ESRRG: variants seen among roughly 807,000 people sequenced by gnomAD.
ESRRG encodes estrogen-related receptor gamma.
In ESRRG, 13 loss-of-function variants were observed where a neutral mutation model predicts 44.0. The ratio of observed to expected loss-of-function variants is 0.30; its 90% CI spans 0.19 to 0.47. ESRRG has a LOEUF of 0.47. ESRRG is among the 20% of genes least tolerant of loss of function. The probability of loss-of-function intolerance (pLI) is 1.00; values close to 1 mark genes in which losing one functional copy is unlikely to be tolerated. For synonymous variants in ESRRG, 215 were observed against 214.6 expected, an observed-to-expected ratio of 1.00 and a Z score of -0.02; for missense variants, 395 against 580.6, an observed-to-expected ratio of 0.68 and a Z score of 3.29.
intron 2 of ESRRG, among the ~76,000 whole-genome samples, chr1:216,832,532 C>G (rs1246726231): frequency 6.6e-6 from 1 of 152,194 alleles, no homozygotes; most frequent in African/African-American, 2.4e-5. Context: ...TTCAACAACT[C>G]TGAACGAAAC....
intron 2 of ESRRG, among the ~76,000 whole-genome samples, chr1:216,865,549 T>C (rs984937179): frequency 2.0e-5 from 3 of 152,156 alleles, no homozygotes; most frequent in Non-Finnish European, 4.4e-5. Flanking sequence ...TTGTTCATTT[T>C]TGTCTTTGAA....
At chr1:216,740,443 T>C (rs2090523568) in intron 2 of ESRRG, among the ~76,000 whole-genome samples, 1 of 152,026 alleles carries the variant, frequency 6.6e-6, no homozygotes, top group Non-Finnish European at 1.5e-5. Flanking sequence ...AATCAGAGAA[T>C]AATTTTACAA....
intron 2 of ESRRG, among the ~76,000 whole-genome samples, chr1:216,922,155 T>A (rs1353235893): frequency 6.6e-6 from 1 of 152,326 alleles, no homozygotes. Flanking sequence ...TACAATAATA[T>A]CTACCCTCCA....
chr1:216,581,262 T>C (rs2062700433), intron 3 of ESRRG, among the ~76,000 whole-genome samples: 1 of 152,204 alleles, frequency 6.6e-6, no homozygotes, highest in South Asian at 2.1e-4. Flanking sequence ...TAATGTTTCA[T>C]CTCAACATCT....
At chr1:216,561,195 C>T (rs1253416527) in intron 5 of ESRRG, among the ~76,000 whole-genome samples, 2 of 152,090 alleles carry the variant, frequency 1.3e-5, no homozygotes, top group African/African-American at 4.8e-5. Flanking sequence ...GTATCCTTCA[C>T]TTTCTTATAA....
At chr1:216,814,328 C>T (rs2095068909) in intron 2 of ESRRG, among the ~76,000 whole-genome samples, 1 of 152,154 alleles carries the variant, frequency 6.6e-6, no homozygotes, top group African/African-American at 2.4e-5. Context: ...TCACAACCTA[C>T]AGGGAGTTGA....
intron 1 of ESRRG, among the ~76,000 whole-genome samples, chr1:216,682,557 AAAG>A (rs1342622269): frequency 6.6e-6 from 1 of 152,208 alleles, no homozygotes. Flanking sequence ...CAGGGACAGA[AAAG>A]AAGGTTATCA....
At chr1:217,002,596 C>A (rs995495279) in intron 1 of ESRRG, among the ~76,000 whole-genome samples, 1 of 152,068 alleles carries the variant, frequency 6.6e-6, no homozygotes, top group Non-Finnish European at 1.5e-5. Flanking sequence ...TAAATCACAG[C>A]TGGCCAGTAT....
At chr1:216,557,503 G>C (rs1485209217) in intron 5 of ESRRG, among the ~76,000 whole-genome samples, 2 of 152,132 alleles carry the variant, frequency 1.3e-5, no homozygotes, top group African/African-American at 4.8e-5. Flanking sequence ...AACGGTGTGT[G>C]TCAAGGTTCC....
intron 3 of ESRRG, among the ~76,000 whole-genome samples, chr1:216,648,885 A>C (rs567571174): frequency 6.6e-6 from 1 of 152,282 alleles, no homozygotes; most frequent in South Asian, 2.1e-4. Flanking sequence ...GAATGAGCAT[A>C]AGTTTAGTTT....
chr1:216,562,089 T>C (rs1325871074), intron 5 of ESRRG, among the ~76,000 whole-genome samples: 1 of 152,214 alleles, frequency 6.6e-6, no homozygotes, highest in Non-Finnish European at 1.5e-5. Context: ...CTTTCCTTAC[T>C]AGAAAGTTCA....
At chr1:216,834,588 C>G (rs1044789262) in intron 2 of ESRRG, among the ~76,000 whole-genome samples, 1 of 151,972 alleles carries the variant, frequency 6.6e-6, no homozygotes, top group South Asian at 2.1e-4. Flanking sequence ...AGGTGATAAC[C>G]TGGAAAAGAA....
intron 1 of ESRRG, among the ~76,000 whole-genome samples, chr1:217,101,161 T>C (rs2092506341): frequency 6.6e-6 from 1 of 152,202 alleles, no homozygotes; most frequent in African/African-American, 2.4e-5. Flanking sequence ...AACTTTTTCT[T>C]TGGAGACAGA....
intron 5 of ESRRG, among the ~76,000 whole-genome samples, chr1:216,535,044 C>G (rs901677723): frequency 6.6e-6 from 1 of 152,048 alleles, no homozygotes; most frequent in African/African-American, 2.4e-5. Flanking sequence ...TGATGACTGA[C>G]AGAGAGTTAG....
chr1:217,106,913 T>C (rs1189598333), intron 1 of ESRRG, among the ~76,000 whole-genome samples: 2 of 152,218 alleles, frequency 1.3e-5, no homozygotes, highest in East Asian at 3.8e-4. Context: ...GTGTCCATGA[T>C]GATTTAAAAG....
intron 2 of ESRRG, among the ~76,000 whole-genome samples, chr1:216,808,346 G>A (rs1460229592): frequency 6.6e-6 from 1 of 152,138 alleles, no homozygotes; most frequent in Non-Finnish European, 1.5e-5. Context: ...AAAAGGCTTG[G>A]CTGAATAAAA....
chr1:217,052,001 G>A (rs377570534), intron 1 of ESRRG, among the ~76,000 whole-genome samples: 1 of 152,098 alleles, frequency 6.6e-6, no homozygotes, highest in Admixed American at 6.6e-5. Context: ...AAACTCCTGG[G>A]CTCAAGCAAT....
chr1:216,684,788 T>G (rs1008770747), intron 1 of ESRRG, among the ~76,000 whole-genome samples: 4 of 152,182 alleles, frequency 2.6e-5, no homozygotes, highest in African/African-American at 9.7e-5. Context: ...CAGATTGCAC[T>G]CAAAAACTGT....
chr1:216,543,366 A>G (rs1336892860), intron 5 of ESRRG, among the ~76,000 whole-genome samples: 1 of 152,024 alleles, frequency 6.6e-6, no homozygotes, highest in African/African-American at 2.4e-5. Flanking sequence ...TCTTTTGTAC[A>G]AACATCCAAG....
Sources: gnomAD v4.1 joint callset for allele counts (sites outside exome capture counted in the v4.1 genomes callset) on GRCh38, gnomAD v4.1.1 for gene constraint, MANE v1.5 for transcripts, NCBI Gene and HGNC (gene_info 2026-07-23, HGNC 2026-07-21) for gene names.